The following PTPRG variants were observed in gnomAD, a reference collection of about 807,000 sequenced individuals.
PTPRG encodes receptor-type tyrosine-protein phosphatase gamma.
PTPRG carries 102 observed loss-of-function variants against 165.3 expected under a neutral mutation model. The observed-to-expected ratio is 0.62, with a 90% CI of 0.53 to 0.73. PTPRG has a LOEUF of 0.73. Among genes scored for constraint, PTPRG ranks in the 30% least tolerant of loss-of-function variants. The pLI is 0.00. For missense variants in PTPRG, 1,866 were observed against 1,861.4 expected (o/e 1.00, Z -0.05); for synonymous variants, 675 against 669.5 (o/e 1.01, Z -0.13).
Position 62,293,386 on chromosome 3 carries a change from A to G in PTPRG, c.*79A>G. ...TTTGAGGCCTTTTTTGCCAGACTCT[A>G]GGTTATACAATAACCCAGTTACTTT... On this transcript the variant is annotated 3_prime_UTR_variant, in exon 30 of 30. Transcript: ENST00000474889. The G allele has an allele frequency of 1.6e-6, 2 of 1,271,544 alleles. No homozygotes were observed. Among genetic ancestry groups the G allele is most frequent in the South Asian group, 1.9e-5 (1 of 51,500 alleles). The allele number at this position is 1,271,544 out of a possible 1,614,324, so 78.8% of individuals were successfully genotyped here. A position where few individuals can be genotyped will look rare whatever the true frequency, so the allele number is the denominator to read the frequency against.
chr3:62,257,428 A>G (rs1701563661), intron 16 of PTPRG, among the ~76,000 whole-genome samples: 1 of 152,178 alleles, frequency 6.6e-6, no homozygotes, highest in African/African-American at 2.4e-5. Flanking sequence ...TTCCAGACCC[A>G]TTTACCTGGA....
At chr3:61,623,086 T>G (rs1011875296) in intron 1 of PTPRG, among the ~76,000 whole-genome samples, 50 of 152,192 alleles carry the variant, frequency 3.3e-4, no homozygotes, top group Admixed American at 2.3e-3. Context: ...TTTCCTTGAT[T>G]GTAAACAATA....
intron 1 of PTPRG, among the ~76,000 whole-genome samples, chr3:61,587,136 T>C (rs1700452452): frequency 1.3e-5 from 2 of 152,190 alleles, no homozygotes; most frequent in South Asian, 2.1e-4. Context: ...ATGGCAAATA[T>C]CTCCCTACAT....
chr3:62,130,802 T>A (rs928001377), intron 5 of PTPRG, among the ~76,000 whole-genome samples: 2 of 152,246 alleles, frequency 1.3e-5, no homozygotes, highest in Non-Finnish European at 2.9e-5. Context: ...TGGTGTATTC[T>A]GTGCAGTTAC....
At chr3:62,160,864 ATTTTTTTTTT>A (rs5849464) in intron 7 of PTPRG, among the ~76,000 whole-genome samples, 11 of 103,986 alleles carry the variant, frequency 1.1e-4, no homozygotes, top group African/African-American at 1.9e-4. Context: ...TAGATGTGTG[ATTTTTTTTTT>A]TTTTTTTTTT....
chr3:62,169,264 C>T (rs1474299364), intron 8 of PTPRG, among the ~76,000 whole-genome samples: 1 of 152,170 alleles, frequency 6.6e-6, no homozygotes, highest in Non-Finnish European at 1.5e-5. Context: ...TCCCTGTCTC[C>T]TGTCCATATC....
At chr3:62,104,960 T>A (rs1702421218) in intron 5 of PTPRG, among the ~76,000 whole-genome samples, 1 of 152,210 alleles carries the variant, frequency 6.6e-6, no homozygotes, top group African/African-American at 2.4e-5. Context: ...TAGGATACAT[T>A]TTTATTTTTA....
At chr3:61,752,808 A>AG (rs57328880) in intron 2 of PTPRG, among the ~76,000 whole-genome samples, 3 of 127,884 alleles carry the variant, frequency 2.3e-5, no homozygotes, top group African/African-American at 5.5e-5. Flanking sequence ...AAAAGAAAAA[A>AG]AAAAAGAAAA....
intron 4 of PTPRG, among the ~76,000 whole-genome samples, chr3:62,034,710 A>G (rs1321091428): frequency 3.9e-5 from 6 of 152,240 alleles, no homozygotes; most frequent in Non-Finnish European, 2.9e-5. Context: ...CTCCACTCAA[A>G]AGAAATTTTT....
At position 61,936,393 on chromosome 3, in the gene PTPRG, A is replaced by C. The variant is rs535209240; in HGVS notation, c.191-53232A>C. Among the ~76,000 whole-genome samples, 13 of 152,322 alleles carry C rather than the reference A, an allele frequency of 8.5e-5. No individual in the cohort carries two copies. The East Asian group carries it at 2.5e-3, about 29-fold the overall frequency. ...CTTGAATCCAGAACTCATGCTCTTGAGTAATCATTAAGCTCTACTGTATTT... is the reference window on the plus strand; with the variant it reads ...CTTGAATCCAGAACTCATGCTCTTGCGTAATCATTAAGCTCTACTGTATTT... On this transcript the variant is annotated intron_variant, in intron 2 of 29. Coordinates refer to ENST00000474889, the MANE Select transcript of PTPRG (RefSeq NM_002841.4).
At chr3:61,818,619 G>A (rs569784494) in intron 2 of PTPRG, among the ~76,000 whole-genome samples, 4 of 152,148 alleles carry the variant, frequency 2.6e-5, no homozygotes, top group Admixed American at 6.5e-5. Flanking sequence ...AGTCATGAAC[G>A]TGGCACTGTA....
rs773575370 is a variant in PTPRG, at chr3:62,293,664, TTTA to T, written c.*369_*371del. 6.1e-5 allele frequency: 10 copies of T among 163,524 alleles called. No individual in the cohort carries two copies. The highest frequency in any genetic ancestry group is 3.9e-4 in the South Asian group (2 of 5,134). 10.1% of individuals were successfully genotyped at this position (163,524 alleles called of 1,614,324 possible). On this transcript the variant is annotated 3_prime_UTR_variant, in exon 30 of 30. Transcript: ENST00000474889. ...CTTTGTTATGACAGTGAATATTGCT[TTTA>T]TTATTATTATTGCTGAAGTGGTTGC...
intron 3 of PTPRG, among the ~76,000 whole-genome samples, chr3:61,993,946 C>T (rs1455957048): frequency 6.6e-6 from 1 of 152,184 alleles, no homozygotes; most frequent in Middle Eastern, 3.2e-3. Context: ...TCTTAATCCC[C>T]TGAGAGTGCT....
At chr3:62,243,680 A>T in intron 14 of PTPRG, 127 bp from the exon 15 acceptor site, 1 of 555,714 alleles carries the variant, frequency 1.8e-6, no homozygotes, top group Non-Finnish European at 3.0e-6. Flanking sequence ...TGTTACTTTT[A>T]CATGAGTTTA....
chr3:62,143,833 A>G (rs1258406957), intron 6 of PTPRG, among the ~76,000 whole-genome samples: 1 of 152,196 alleles, frequency 6.6e-6, no homozygotes, highest in Non-Finnish European at 1.5e-5. Context: ...TGACCCCAGT[A>G]CAAATTACTG....
intron 1 of PTPRG, among the ~76,000 whole-genome samples, chr3:61,577,376 G>A (rs1402506459): frequency 6.6e-6 from 1 of 152,120 alleles, no homozygotes; most frequent in East Asian, 1.9e-4. Context: ...AATGTGAAAT[G>A]TCTATAGAGC....
chr3:61,759,718 A>G (rs901425845), intron 2 of PTPRG, among the ~76,000 whole-genome samples: 1 of 152,152 alleles, frequency 6.6e-6, no homozygotes, highest in Admixed American at 6.5e-5. Flanking sequence ...TGGCATTTTT[A>G]TGTCATGTGA....
At chr3:62,129,503 G>T (rs933974975) in intron 5 of PTPRG, among the ~76,000 whole-genome samples, 2 of 151,990 alleles carry the variant, frequency 1.3e-5, no homozygotes, top group African/African-American at 2.4e-5. Flanking sequence ...AGGCTTTCTT[G>T]CTGCATTGTA....
At chr3:61,863,592 C>T (rs2037330727) in intron 2 of PTPRG, among the ~76,000 whole-genome samples, 1 of 152,198 alleles carries the variant, frequency 6.6e-6, no homozygotes, top group Admixed American at 6.5e-5. Context: ...CTTGCCTTTT[C>T]TGCTTATTTG....
Sources: gnomAD v4.1 joint callset for allele counts (sites outside exome capture counted in the v4.1 genomes callset) on GRCh38, gnomAD v4.1.1 for gene constraint, MANE v1.5 for transcripts, NCBI Gene and HGNC (gene_info 2026-07-23, HGNC 2026-07-21) for gene names.